The following MTHFD1L variants were observed in gnomAD, a reference collection of about 807,000 sequenced individuals.
MTHFD1L encodes the protein methylenetetrahydrofolate dehydrogenase (NADP+ dependent) 1 like, also known as monofunctional C1-tetrahydrofolate synthase, mitochondrial.
In MTHFD1L, 81 loss-of-function variants were observed where a neutral mutation model predicts 119.5. That is an observed-to-expected ratio of 0.68 (90% CI 0.57 to 0.82). The LOEUF (loss-of-function observed/expected upper bound fraction) is 0.82, where lower values mean the gene tolerates loss of function less well. Among genes scored for constraint, MTHFD1L ranks in the 40% least tolerant of loss-of-function variants. MTHFD1L has a pLI of 0.00. For synonymous variants in MTHFD1L, 430 were observed against 475.2 expected, an observed-to-expected ratio of 0.90 and a Z score of 1.24; for missense variants, 1,125 against 1,253.4, an observed-to-expected ratio of 0.90 and a Z score of 1.55.
chr6:150,898,766 A>G (rs1032526465), intron 7 of MTHFD1L: 1 of 341,780 alleles, frequency 2.9e-6, no homozygotes, highest in African/African-American at 2.2e-5. Context: ...CCCCATCTAC[A>G]TACACATTCT....
intron 16 of MTHFD1L, 111 bp downstream of exon 16, chr6:150,949,244 A>G: frequency 1.3e-6 from 1 of 776,648 alleles, no homozygotes; most frequent in Admixed American, 2.3e-5. Context: ...TGATCTTCCC[A>G]GCCTGTGCTT....
At chr6:151,085,910 TG>T (rs1396119428) in intron 26 of MTHFD1L, among the ~76,000 whole-genome samples, 2 of 151,536 alleles carry the variant, frequency 1.3e-5, no homozygotes, top group African/African-American at 4.9e-5. Flanking sequence ...CCTGGTCACC[TG>T]GGTGTCCTGG....
chr6:151,005,348 G>A (rs1191470960), intron 20 of MTHFD1L, among the ~76,000 whole-genome samples: 2 of 152,082 alleles, frequency 1.3e-5, no homozygotes, highest in African/African-American at 4.8e-5. Flanking sequence ...TCCATGTTCT[G>A]TTTCCTTGGC....
At chr6:150,989,094 G>A (rs954461128) in intron 20 of MTHFD1L, among the ~76,000 whole-genome samples, 2 of 152,186 alleles carry the variant, frequency 1.3e-5, no homozygotes, top group Non-Finnish European at 1.5e-5. Flanking sequence ...TGTGAATGTT[G>A]TCTTAACCAT....
chr6:150,959,526 T>C (rs1202446571), intron 17 of MTHFD1L, among the ~76,000 whole-genome samples: 3 of 152,148 alleles, frequency 2.0e-5, no homozygotes, highest in Non-Finnish European at 4.4e-5. Flanking sequence ...CCTAGAACTT[T>C]TTGCAAAAAG....
At position 151,034,549 on chromosome 6, in the gene MTHFD1L, T is replaced by C; in HGVS notation, c.2643T>C (p.Asp881=). 1 of 1,611,956 alleles carries C rather than the reference T, an allele frequency of 6.2e-7. No homozygotes were observed. Among genetic ancestry groups the C allele is most frequent in the Non-Finnish European group, 8.5e-7 (1 of 1,179,824 alleles). ...CTCAGGCTGTCTATGGAGCCAAAGA[T>C]ATTGAACTCTCTCCTGAGGCACAAG... ...TIAQAVYGAK[D]IELSPEAQAK... is the part of the protein sequence containing the mutation. The change falls in exon 25 of 28, where the codon GAT becomes GAC. Residue 881 remains aspartate, a synonymous_variant. Coordinates refer to ENST00000367321, the MANE Select transcript of MTHFD1L (RefSeq NM_015440.5).
intron 18 of MTHFD1L, among the ~76,000 whole-genome samples, chr6:150,963,006 C>G (rs1276190402): frequency 6.6e-6 from 1 of 150,378 alleles, no homozygotes; most frequent in East Asian, 1.9e-4. Flanking sequence ...ACCTCCAACT[C>G]CCAGGTTCAA....
At chr6:151,035,201 G>A (rs1785983011) in intron 25 of MTHFD1L, among the ~76,000 whole-genome samples, 1 of 152,182 alleles carries the variant, frequency 6.6e-6, no homozygotes, top group African/African-American at 2.4e-5. Context: ...CTGACAGCAT[G>A]CATCACCATC....
At chr6:150,996,105 T>A (rs934935713) in intron 20 of MTHFD1L, among the ~76,000 whole-genome samples, 1 of 152,256 alleles carries the variant, frequency 6.6e-6, no homozygotes, top group African/African-American at 2.4e-5. Context: ...ACTGCGGGCC[T>A]CTTCAGGATG....
At chr6:150,965,736 G>C (rs1797118929) in intron 19 of MTHFD1L, among the ~76,000 whole-genome samples, 1 of 151,662 alleles carries the variant, frequency 6.6e-6, no homozygotes. Flanking sequence ...TATTTTCTGT[G>C]TTCCCTTAAT....
chr6:150,928,741 G>A (rs1790486553), intron 11 of MTHFD1L, among the ~76,000 whole-genome samples: 1 of 151,802 alleles, frequency 6.6e-6, no homozygotes, highest in East Asian at 2.0e-4. Context: ...ACGGGGTTTC[G>A]CCACATTAGC....
At chr6:151,015,171 T>C (rs1263157099) in intron 23 of MTHFD1L, among the ~76,000 whole-genome samples, 191 bp downstream of exon 23, 2 of 150,612 alleles carry the variant, frequency 1.3e-5, no homozygotes, top group African/African-American at 4.9e-5. Flanking sequence ...ATTAAGGAAG[T>C]GAAATTTATA....
intron 20 of MTHFD1L, among the ~76,000 whole-genome samples, chr6:150,996,500 G>A (rs1562512205): frequency 6.6e-6 from 1 of 152,114 alleles, no homozygotes; most frequent in Non-Finnish European, 1.5e-5. Context: ...AGCAGCAGCA[G>A]AAAAACCCCC....
At chr6:150,943,431 G>A (rs1025834329) in intron 13 of MTHFD1L, among the ~76,000 whole-genome samples, 4 of 151,756 alleles carry the variant, frequency 2.6e-5, no homozygotes, top group African/African-American at 9.7e-5. Flanking sequence ...AGGAATCTGA[G>A]ACCAACCTGT....
At chr6:150,878,997 T>C (rs1278614439) in intron 4 of MTHFD1L, among the ~76,000 whole-genome samples, 10 of 152,124 alleles carry the variant, frequency 6.6e-5, no homozygotes, top group Admixed American at 5.9e-4. Context: ...TCTACATCCA[T>C]CCCGTTGTCC....
At chr6:150,965,787 TTTA>T (rs1361278973) in intron 19 of MTHFD1L, among the ~76,000 whole-genome samples, 1 of 152,278 alleles carries the variant, frequency 6.6e-6, no homozygotes, top group Non-Finnish European at 1.5e-5. Context: ...GGTTTGCTTT[TTTA>T]TTGTTGTTTG....
chr6:151,004,024 A>AG (rs1274575974), intron 20 of MTHFD1L, among the ~76,000 whole-genome samples: 23 of 146,782 alleles, frequency 1.6e-4, no homozygotes, highest in African/African-American at 5.7e-4. Flanking sequence ...AAAAAAAAAA[A>AG]AAAGAGAGAG....
In MTHFD1L at chr6:150,926,306, A is replaced by G; in HGVS notation, c.1256+11A>G. The G allele has an allele frequency of 1.9e-6, 3 of 1,600,070 alleles. No homozygotes were observed. Among genetic ancestry groups the G allele is most frequent in the Non-Finnish European group, 2.6e-6 (3 of 1,169,544 alleles). On this transcript the variant is annotated intron_variant, in intron 11 of 27. Coordinates refer to ENST00000367321, the MANE Select transcript of MTHFD1L (RefSeq NM_015440.5). This position sits in a 1 kb window ranked among gnomAD's most constrained non-coding sequence, Gnocchi z 4.3. ...CGTCTTAGTTGCTGGGTAAGACACC[A>G]TCTAACATCTACTTGATCAAGCAGA...
intron 11 of MTHFD1L, chr6:150,934,855 T>C (rs1344871331): frequency 7.5e-7 from 1 of 1,341,008 alleles, no homozygotes; most frequent in Non-Finnish European, 1.0e-6. Flanking sequence ...CTTTCTCATT[T>C]GGACCCAAAC....
Sources: gnomAD v4.1 joint callset for allele counts (sites outside exome capture counted in the v4.1 genomes callset) on GRCh38, gnomAD v4.1.1 for gene constraint, Gnocchi (gnomAD v3.1) non-coding constraint, MANE v1.5 for transcripts, NCBI Gene and HGNC (gene_info 2026-07-23, HGNC 2026-07-21) for gene names.